Variants in NAA25 observed in about 807,000 individuals in gnomAD.
NAA25 encodes N-alpha-acetyltransferase 25, NatB auxiliary subunit.
NAA25 carries 30 observed loss-of-function variants against 132.5 expected under a neutral mutation model. The observed-to-expected ratio is 0.23, with a 90% CI of 0.17 to 0.31. The LOEUF (loss-of-function observed/expected upper bound fraction) is 0.31, where lower values mean the gene tolerates loss of function less well. Ranked by LOEUF, NAA25 falls within the 10% of genes least tolerant of loss-of-function variation. NAA25 has a pLI of 1.00. For missense variants in NAA25, 771 were observed against 1,150.4 expected (o/e 0.67, Z 4.77); for synonymous variants, 359 against 401.9 (o/e 0.89, Z 1.28).
chr12:112,048,873 C>T (rs1393659737), intron 15 of NAA25, among the ~76,000 whole-genome samples: 4 of 151,872 alleles, frequency 2.6e-5, no homozygotes, highest in Admixed American at 6.6e-5. Flanking sequence ...ACCTGCCCCC[C>T]GCCCCCCCAA....
intron 11 of NAA25, among the ~76,000 whole-genome samples, chr12:112,065,139 T>C (rs377595127): frequency 1.3e-5 from 2 of 152,180 alleles, no homozygotes; most frequent in East Asian, 3.9e-4. Context: ...GGCAGGTGGA[T>C]CACCTGAGGC....
Position 112,027,324 on chromosome 12 carries a change from T to C in NAA25, c.*2207A>G, listed in dbSNP as rs1565991856. The C allele has an allele frequency of 2.0e-5, 3 of 151,440 alleles. No homozygotes were observed. Among genetic ancestry groups the C allele is most frequent in the South Asian group, 4.2e-4 (2 of 4,774 alleles). The allele number at this position is 151,440 out of a possible 1,614,324, so 9.4% of individuals were successfully genotyped here. A position where few individuals can be genotyped will look rare whatever the true frequency, so the allele number is the denominator to read the frequency against. On this transcript the variant is annotated 3_prime_UTR_variant, in exon 24 of 24. Transcript: ENST00000261745. ...TCATGTAAGAATATATATATATATATATTTTTTTAACTGTACACAATTTAT... is the reference window on the plus strand; with the variant it reads ...TCATGTAAGAATATATATATATATACATTTTTTTAACTGTACACAATTTAT...
At chr12:112,066,241 C>G (rs2078716630) in intron 11 of NAA25, among the ~76,000 whole-genome samples, 1 of 152,176 alleles carries the variant, frequency 6.6e-6, no homozygotes, top group Non-Finnish European at 1.5e-5. Flanking sequence ...CTCTAATGCA[C>G]CCCCACCATT....
chr12:112,098,102 A>G (rs890679298), intron 1 of NAA25, among the ~76,000 whole-genome samples: 59 of 139,868 alleles, frequency 4.2e-4, no homozygotes, highest in African/African-American at 1.5e-3. Flanking sequence ...GCCTGGCAAC[A>G]GAGCAAGACT....
intron 1 of NAA25, among the ~76,000 whole-genome samples, chr12:112,099,941 G>T (rs1449030739): frequency 6.6e-6 from 1 of 152,116 alleles, no homozygotes. Context: ...TTATAAAAAC[G>T]CTAAATAGAA....
chr12:112,054,663 C>T lies in NAA25; in HGVS notation c.1448-95G>A, dbSNP rs1026105334. 3.0e-5 allele frequency: 33 copies of T among 1,115,034 alleles called. 1 individual carries two copies. In the Admixed American group the frequency reaches 9.3e-4, roughly 31 times the overall value. The allele number at this position is 1,115,034 out of a possible 1,614,324, so 69.1% of individuals were successfully genotyped here. A position where few individuals can be genotyped will look rare whatever the true frequency, so the allele number is the denominator to read the frequency against. On this transcript the variant is annotated intron_variant, in intron 13 of 23. Coordinates refer to ENST00000261745, the MANE Select transcript of NAA25 (RefSeq NM_024953.4). Reference sequence around the variant, plus strand: ...AAACCTTATTGACATCATCACCCCCCCCAATAAATGAAGTTAAATGACAGA... The same window carrying T: ...AAACCTTATTGACATCATCACCCCCTCCAATAAATGAAGTTAAATGACAGA...
intron 11 of NAA25, chr12:112,065,671 AAAT>A: frequency 6.6e-6 from 1 of 151,954 alleles, no homozygotes; most frequent in African/African-American, 2.4e-5. Flanking sequence ...TCAAAAAAAT[AAAT>A]AAATAAATAA....
intron 10 of NAA25, among the ~76,000 whole-genome samples, chr12:112,071,277 T>A (rs1367709660): frequency 6.6e-6 from 1 of 152,240 alleles, no homozygotes; most frequent in Non-Finnish European, 1.5e-5. Context: ...CACCTCGGCC[T>A]CCCAAAGTGC....
intron 20 of NAA25, 78 bp downstream of exon 20, chr12:112,041,960 TG>T: frequency 1.2e-6 from 1 of 829,198 alleles, no homozygotes; most frequent in Non-Finnish European, 1.8e-6. Flanking sequence ...TGATTGGGCT[TG>T]GGAATAGGGG....
At chr12:112,073,778 T>A (rs1022067897) in intron 9 of NAA25, among the ~76,000 whole-genome samples, 6 of 152,076 alleles carry the variant, frequency 3.9e-5, no homozygotes, top group East Asian at 1.9e-4. Flanking sequence ...GGAAAAAAAA[T>A]TTATTGTAGT....
At chr12:112,043,062 C>A in intron 19 of NAA25, 26 bp downstream of exon 19, 2 of 1,565,304 alleles carry the variant, frequency 1.3e-6, no homozygotes, top group Non-Finnish European at 8.7e-7. Flanking sequence ...TGACAAAGAC[C>A]CTATAAACAC....
intron 1 of NAA25, among the ~76,000 whole-genome samples, chr12:112,104,841 A>AT (rs1374112189): frequency 3.3e-5 from 5 of 151,732 alleles, no homozygotes; most frequent in Admixed American, 1.3e-4. Context: ...ATCTCAAAAA[A>AT]AAAAACAAAA....
At position 112,028,524 on chromosome 12, in the gene NAA25, C is replaced by T. The variant is rs1355615481; in HGVS notation, c.*1007G>A. On this transcript the variant is annotated 3_prime_UTR_variant, in exon 24 of 24. Coordinates refer to ENST00000261745, the MANE Select transcript of NAA25 (RefSeq NM_024953.4). ...TAACATTTCTTTTGCCAGCCTAAAA[C>T]TTAAAGCCTAAGGCTAAATCCATAA... 1 of 152,122 alleles carries T rather than the reference C, an allele frequency of 6.6e-6. No homozygotes were observed. The highest frequency in any genetic ancestry group is 2.4e-5 in the African/African-American group (1 of 41,412). The allele number at this position is 152,122 out of a possible 1,614,324, so 9.4% of individuals were successfully genotyped here. A position where few individuals can be genotyped will look rare whatever the true frequency, so the allele number is the denominator to read the frequency against.
At position 112,107,150 on chromosome 12, in the gene NAA25, C is replaced by T. The variant is rs1023836318; in HGVS notation, c.58+1566G>A. On this transcript the variant is annotated intron_variant, in intron 1 of 23. Coordinates refer to ENST00000261745, the MANE Select transcript of NAA25 (RefSeq NM_024953.4). ...TGGCGTGCAACTGTAATCTCAGCTA[C>T]TCAGGAGGCTGAGGCAGGAGAATCG... Among the ~76,000 whole-genome samples the T allele has an allele frequency of 3.3e-5, 5 of 152,026 alleles. No homozygotes were observed. In the East Asian group the frequency reaches 5.8e-4, roughly 18 times the overall value.
chr12:112,068,557 T>A (rs775394638), intron 11 of NAA25, among the ~76,000 whole-genome samples: 1 of 151,842 alleles, frequency 6.6e-6, no homozygotes, highest in Non-Finnish European at 1.5e-5. Context: ...AAAGGATATA[T>A]GAGATGTGTT....
chr12:112,086,062 ATATAT>A (rs2079047213), intron 4 of NAA25, among the ~76,000 whole-genome samples: 1 of 89,100 alleles, frequency 1.1e-5, no homozygotes, highest in Non-Finnish European at 1.9e-5. Context: ...ATATATATAT[ATATAT>A]ATATATACAC....
chr12:112,039,854 A>G (rs1469581326), intron 21 of NAA25: 1 of 154,624 alleles, frequency 6.5e-6, no homozygotes, highest in Non-Finnish European at 1.4e-5. Flanking sequence ...CTTCTCCTAT[A>G]CTACAGTGTG....
At chr12:112,038,309 C>G (rs139026920) in intron 22 of NAA25, among the ~76,000 whole-genome samples, 1 of 152,052 alleles carries the variant, frequency 6.6e-6, no homozygotes, top group Non-Finnish European at 1.5e-5. Context: ...CCACCACATC[C>G]GGCCTGAATA....
intron 3 of NAA25, among the ~76,000 whole-genome samples, chr12:112,089,847 G>T (rs2079106682): frequency 6.6e-6 from 1 of 151,518 alleles, no homozygotes; most frequent in African/African-American, 2.4e-5. Flanking sequence ...ACAAAAATTA[G>T]CTGGGGATGG....
Sources: allele counts gnomAD v4.1 joint callset (sites outside exome capture counted in the v4.1 genomes callset), GRCh38; gene constraint gnomAD v4.1.1; transcripts MANE v1.5; gene names NCBI Gene and HGNC (gene_info 2026-07-23, HGNC 2026-07-21).